SEL1L2: variants seen among roughly 807,000 people sequenced by gnomAD.
SEL1L2 encodes the protein protein sel-1 homolog 2.
Under a neutral mutation model 98.8 loss-of-function variants are expected in SEL1L2, and 89 were observed. That is an observed-to-expected ratio of 0.90 (90% CI 0.76 to 1.07). The LOEUF is 1.07. Ranked by LOEUF, SEL1L2 falls within the 50% of genes least tolerant of loss-of-function variation. SEL1L2 has a pLI of 0.00. For synonymous variants in SEL1L2, 262 were observed against 278.5 expected (o/e 0.94, Z 0.59); for missense variants, 788 against 812.0 (o/e 0.97, Z 0.36).
At chr20:13,862,113 G>A (rs561733357) in intron 17 of SEL1L2, among the ~76,000 whole-genome samples, 4 of 152,272 alleles carry the variant, frequency 2.6e-5, no homozygotes, top group Admixed American at 6.5e-5. Context: ...CCCAGAACCC[G>A]GAATGGTACT....
intron 2 of SEL1L2, 57 bp downstream of exon 2, chr20:13,956,019 A>T: frequency 1.1e-6 from 1 of 901,190 alleles, no homozygotes; most frequent in Non-Finnish European, 1.8e-6. Flanking sequence ...TGAAAAAACT[A>T]GTGCCTATAG....
At chr20:13,922,040 A>C (rs982043806) in intron 3 of SEL1L2, among the ~76,000 whole-genome samples, 4 of 152,194 alleles carry the variant, frequency 2.6e-5, no homozygotes, top group Admixed American at 2.0e-4. Flanking sequence ...TTATTCCAAC[A>C]TAATTGATAT....
chr20:13,937,698 A>C (rs538252993), intron 2 of SEL1L2, among the ~76,000 whole-genome samples: 1 of 152,228 alleles, frequency 6.6e-6, no homozygotes, highest in African/African-American at 2.4e-5. Flanking sequence ...CACATATTAC[A>C]TGTTTTATCT....
chr20:13,956,199 T>C (rs1312292037), intron 1 of SEL1L2, 68 bp from the exon 2 acceptor site: 3 of 784,678 alleles, frequency 3.8e-6, no homozygotes, highest in Non-Finnish European at 2.0e-6. Context: ...CTAAATACAA[T>C]TTATTGTTAA....
chr20:13,875,551 C>T (rs1391893521), intron 12 of SEL1L2, among the ~76,000 whole-genome samples: 1 of 152,230 alleles, frequency 6.6e-6, no homozygotes, highest in Non-Finnish European at 1.5e-5. Context: ...TTCTCAGTCG[C>T]CTTGCCCTGG....
chr20:13,907,328 G>C (rs1055036106), intron 5 of SEL1L2, among the ~76,000 whole-genome samples: 1 of 152,126 alleles, frequency 6.6e-6, no homozygotes, highest in Non-Finnish European at 1.5e-5. Flanking sequence ...GCTTTGGAAA[G>C]CTGAGTTTGG....
chr20:13,926,742 A>C (rs2048924883), intron 3 of SEL1L2, among the ~76,000 whole-genome samples: 1 of 152,224 alleles, frequency 6.6e-6, no homozygotes, highest in Non-Finnish European at 1.5e-5. Context: ...GCCGAAAAAT[A>C]ATCAATAAAA....
intron 12 of SEL1L2, among the ~76,000 whole-genome samples, chr20:13,873,706 T>C (rs138083449): frequency 2.6e-5 from 4 of 152,332 alleles, no homozygotes; most frequent in Admixed American, 2.0e-4. Flanking sequence ...AAGCCATATG[T>C]ATAGCCAAAC....
At chr20:13,993,607 G>T (rs2052576865), upstream of SEL1L2, among the ~76,000 whole-genome samples, 1 of 152,148 alleles carries the variant, frequency 6.6e-6, no homozygotes, top group South Asian at 2.1e-4. Flanking sequence ...TCCTAAGAAA[G>T]CACATGTGGA....
intron 10 of SEL1L2, among the ~76,000 whole-genome samples, chr20:13,880,852 CTAAG>C (rs1172192653): frequency 2.0e-5 from 3 of 150,042 alleles, no homozygotes; most frequent in Non-Finnish European, 2.9e-5. Context: ...AGGTATTACA[CTAAG>C]TAAGTAAAGT....
chr20:13,926,388 G>T (rs1254503400), intron 3 of SEL1L2, among the ~76,000 whole-genome samples: 2 of 152,132 alleles, frequency 1.3e-5, no homozygotes, highest in African/African-American at 2.4e-5. Context: ...GAAGAAGTTG[G>T]ACTGGGCAGA....
At chr20:13,897,161 G>A (rs2047460960) in intron 5 of SEL1L2, among the ~76,000 whole-genome samples, 1 of 152,168 alleles carries the variant, frequency 6.6e-6, no homozygotes, top group Admixed American at 6.5e-5. Flanking sequence ...AATGGGGAAA[G>A]GATAGTCTCT....
intron 5 of SEL1L2, among the ~76,000 whole-genome samples, chr20:13,901,335 G>C (rs2047671934): frequency 6.6e-6 from 1 of 152,082 alleles, no homozygotes; most frequent in Non-Finnish European, 1.5e-5. Flanking sequence ...CTCCCAAAGT[G>C]CTGGGATTAC....
At chr20:13,955,001 G>T (rs749168816) in intron 2 of SEL1L2, among the ~76,000 whole-genome samples, 22 of 152,094 alleles carry the variant, frequency 1.4e-4, no homozygotes, top group Admixed American at 3.9e-4. Flanking sequence ...GTACAGAGGG[G>T]TTTTTAATTT....
chr20:13,988,910 G>A (rs550579332), intron 1 of SEL1L2, among the ~76,000 whole-genome samples: 3 of 152,180 alleles, frequency 2.0e-5, no homozygotes, highest in Admixed American at 6.5e-5. Context: ...TTACTTGGGA[G>A]GCTGAGGCAG....
intron 1 of SEL1L2, among the ~76,000 whole-genome samples, chr20:13,970,555 G>A (rs574328743): frequency 8.6e-5 from 13 of 151,154 alleles, no homozygotes; most frequent in African/African-American, 3.1e-4. Context: ...TGCCATGGCC[G>A]GATGCAGTGG....
intron 1 of SEL1L2, among the ~76,000 whole-genome samples, chr20:13,986,391 G>C (rs13038629): frequency 0.38 from 57,941 of 151,308 alleles, 11,405 homozygotes; most frequent in South Asian, 0.48. Flanking sequence ...CCATTAAGCA[G>C]TCACTCCCCA....
At chr20:13,901,071 C>CT (rs746353560) in intron 5 of SEL1L2, among the ~76,000 whole-genome samples, 8,657 of 133,100 alleles carry the variant, frequency 0.065, 632 homozygotes, top group African/African-American at 0.12. Context: ...TTCTTTCTTT[C>CT]TTTCTTTTTT....
chr20:13,853,930 A>G (rs1312985805), intron 18 of SEL1L2, among the ~76,000 whole-genome samples: 1 of 152,178 alleles, frequency 6.6e-6, no homozygotes, highest in African/African-American at 2.4e-5. Flanking sequence ...CTGTTTGTGC[A>G]TATTTCTGAT....
Sources: allele counts gnomAD v4.1 joint callset (sites outside exome capture counted in the v4.1 genomes callset), GRCh38; gene constraint gnomAD v4.1.1; transcripts MANE v1.5; gene names NCBI Gene and HGNC (gene_info 2026-07-23, HGNC 2026-07-21).